VOPP1: variants seen among roughly 807,000 people sequenced by gnomAD.
VOPP1 encodes VOPP1 WW domain binding protein, also known as WW domain binding protein VOPP1.
Under a neutral mutation model 23.5 loss-of-function variants are expected in VOPP1, and 8 were observed. The observed-to-expected ratio is 0.34, with a 90% CI of 0.20 to 0.61. The LOEUF (loss-of-function observed/expected upper bound fraction) is 0.61, where lower values mean the gene tolerates loss of function less well. Ranked by LOEUF, VOPP1 falls within the 20% of genes least tolerant of loss-of-function variation. The probability of loss-of-function intolerance (pLI) is 0.78; values close to 1 mark genes in which losing one functional copy is unlikely to be tolerated. For synonymous variants in VOPP1, 83 were observed against 97.3 expected (o/e 0.85, Z 0.86); for missense variants, 174 against 238.1 (o/e 0.73, Z 1.77).
chr7:55,570,665 G>A (rs568354135), intron 1 of VOPP1, among the ~76,000 whole-genome samples: 3 of 152,154 alleles, frequency 2.0e-5, no homozygotes, highest in Admixed American at 6.5e-5. Context: ...TTGCAGGGCC[G>A]GGCGCGGTGG....
chr7:55,570,910 C>G (rs1486530009), intron 1 of VOPP1, among the ~76,000 whole-genome samples: 2 of 152,040 alleles, frequency 1.3e-5, no homozygotes, highest in African/African-American at 2.4e-5. Flanking sequence ...CCACAGCACT[C>G]AAGCCTGGGC....
chr7:55,539,849 CA>C (rs1392576649), intron 1 of VOPP1, among the ~76,000 whole-genome samples: 1 of 151,248 alleles, frequency 6.6e-6, no homozygotes, highest in Non-Finnish European at 1.5e-5. Context: ...CACATACACG[CA>C]TATTTGTCAT....
chr7:55,477,789 T>C (rs1562901538), intron 4 of VOPP1, among the ~76,000 whole-genome samples: 1 of 152,208 alleles, frequency 6.6e-6, no homozygotes, highest in Non-Finnish European at 1.5e-5. Context: ...ACTGTGTACT[T>C]GTCAAGAACA....
At chr7:55,452,311 TATTTCCACCA>T (rs1246205229) in intron 4 of VOPP1, among the ~76,000 whole-genome samples, 1 of 152,208 alleles carries the variant, frequency 6.6e-6, no homozygotes, top group Non-Finnish European at 1.5e-5. Context: ...TTTCTCTTGC[TATTTCCACCA>T]CATCCACAGT....
chr7:55,521,197 C>A, intron 1 of VOPP1, 67 bp from the exon 2 acceptor site: 1 of 1,471,876 alleles, frequency 6.8e-7, no homozygotes, highest in South Asian at 1.2e-5. Context: ...GAAGCTCTCA[C>A]AAAGGCAGAA....
chr7:55,558,332 T>C, intron 1 of VOPP1, among the ~76,000 whole-genome samples: 1 of 152,182 alleles, frequency 6.6e-6, no homozygotes, highest in East Asian at 1.9e-4. Context: ...CTGTATACAT[T>C]AATTATGTTC....
At chr7:55,494,626 T>C (rs773974424) in intron 3 of VOPP1, among the ~76,000 whole-genome samples, 2 of 152,230 alleles carry the variant, frequency 1.3e-5, no homozygotes, top group East Asian at 1.9e-4. Context: ...TGTTCATTTA[T>C]GTTTATTTTA....
intron 1 of VOPP1, among the ~76,000 whole-genome samples, chr7:55,572,045 G>A (rs1267100367): frequency 6.6e-6 from 1 of 152,268 alleles, no homozygotes; most frequent in East Asian, 1.9e-4. Context: ...GGGGCGGGGT[G>A]CGAAAACCGA....
chr7:55,503,204 T>G (rs1312470695), intron 2 of VOPP1, among the ~76,000 whole-genome samples: 2 of 152,232 alleles, frequency 1.3e-5, no homozygotes, highest in Non-Finnish European at 2.9e-5. Flanking sequence ...ATCTCAATGA[T>G]AGGACCTGCG....
intron 1 of VOPP1, among the ~76,000 whole-genome samples, chr7:55,569,431 G>A (rs938839734): frequency 3.3e-5 from 5 of 152,176 alleles, no homozygotes; most frequent in Admixed American, 6.5e-5. Context: ...CTGCCCTCGC[G>A]ATGTAGAGCA....
intron 2 of VOPP1, among the ~76,000 whole-genome samples, chr7:55,517,719 G>A (rs1795559272): frequency 6.6e-6 from 1 of 152,158 alleles, no homozygotes; most frequent in Non-Finnish European, 1.5e-5. Context: ...CAGTAGGGGT[G>A]TAGCCGCCGT....
chr7:55,480,664 A>G (rs2129012749), intron 4 of VOPP1, among the ~76,000 whole-genome samples: 1 of 152,124 alleles, frequency 6.6e-6, no homozygotes, highest in Non-Finnish European at 1.5e-5. Flanking sequence ...TTTTGAGGAG[A>G]GCTCAGTTCA....
intron 1 of VOPP1, among the ~76,000 whole-genome samples, chr7:55,571,420 T>C (rs915100010): frequency 6.6e-6 from 1 of 152,086 alleles, no homozygotes; most frequent in Non-Finnish European, 1.5e-5. Flanking sequence ...ACTTCATTAA[T>C]TTAACGCAAA....
chr7:55,448,803 C>T (rs1283321772), intron 4 of VOPP1, among the ~76,000 whole-genome samples: 1 of 152,246 alleles, frequency 6.6e-6, no homozygotes, highest in Non-Finnish European at 1.5e-5. Context: ...GGGGAGGCGG[C>T]GCCCCTGGCG....
intron 4 of VOPP1, among the ~76,000 whole-genome samples, chr7:55,480,780 T>C (rs1253536351): frequency 2.0e-5 from 3 of 152,368 alleles, no homozygotes; most frequent in Non-Finnish European, 4.4e-5. Context: ...CTTTCACTGA[T>C]GCCTATGTCC....
In VOPP1 at chr7:55,552,664, G is replaced by GCCTTC. The variant is rs1255986183; in HGVS notation, c.54+19602_54+19606dup. 4 of 1,535,890 alleles carry GCCTTC rather than the reference G, an allele frequency of 2.6e-6. No homozygotes were observed. The African/African-American group carries it at 5.5e-5, about 21-fold the overall frequency. ...TGCCCTTTTCCTACCATATGACACC[G>GCCTTC]CCTTCCAACAATGGGGGGCACTCAG... On this transcript the variant is annotated intron_variant, in intron 1 of 4. Coordinates refer to ENST00000285279, the MANE Select transcript of VOPP1 (RefSeq NM_030796.5).
chr7:55,503,269 C>T (rs562829120), intron 2 of VOPP1, among the ~76,000 whole-genome samples: 3 of 152,248 alleles, frequency 2.0e-5, no homozygotes, highest in South Asian at 4.1e-4. Flanking sequence ...CTACGGGCCA[C>T]GATTTAGACA....
chr7:55,472,975 G>T lies in VOPP1; in HGVS notation c.399C>A (p.Ser133=), dbSNP rs1791941785. 1.9e-6 allele frequency: 3 copies of T among 1,592,000 alleles called. No individual in the cohort carries two copies. The highest frequency in any genetic ancestry group is 2.6e-6 in the Non-Finnish European group (3 of 1,171,934). Residue 133 remains serine (S), a synonymous_variant, in exon 5 of 5, where the codon TCC becomes TCA. Coordinates refer to ENST00000285279, the MANE Select transcript of VOPP1 (RefSeq NM_030796.5). ...GGPGMNPVGN[S]MAMAFQVPPN... is the part of the protein sequence containing the mutation. ...GTGGGACCTGGAAAGCCATTGCCATGGAATTCCCGACAGGGTTCATCCCCG... is the reference window on the plus strand; with the variant it reads ...GTGGGACCTGGAAAGCCATTGCCATTGAATTCCCGACAGGGTTCATCCCCG...
chr7:55,568,852 C>T (rs985390067), intron 1 of VOPP1, among the ~76,000 whole-genome samples: 1 of 152,128 alleles, frequency 6.6e-6, no homozygotes, highest in African/African-American at 2.4e-5. Context: ...ATAACTTCAG[C>T]AGGGCTACTA....
Sources: gnomAD v4.1 joint callset for allele counts (sites outside exome capture counted in the v4.1 genomes callset) on GRCh38, gnomAD v4.1.1 for gene constraint, MANE v1.5 for transcripts, NCBI Gene and HGNC (gene_info 2026-07-23, HGNC 2026-07-21) for gene names.